The following PEBP4 variants were observed in gnomAD, a reference collection of about 807,000 sequenced individuals.
PEBP4 encodes phosphatidylethanolamine binding protein 4, also known as phosphatidylethanolamine-binding protein 4.
Under a neutral mutation model 23.9 loss-of-function variants are expected in PEBP4, and 22 were observed. That is an observed-to-expected ratio of 0.92 (90% confidence interval 0.66 to 1.31). The LOEUF (loss-of-function observed/expected upper bound fraction) is 1.31, where lower values mean the gene tolerates loss of function less well. Ranked by LOEUF, PEBP4 falls within the 40% of genes most tolerant of loss-of-function variation. The pLI is 0.00. For synonymous variants in PEBP4, 112 were observed against 99.3 expected (o/e 1.13, Z -0.76); for missense variants, 324 against 281.7 (o/e 1.15, Z -1.07).
intron 3 of PEBP4, among the ~76,000 whole-genome samples, chr8:22,872,348 G>A (rs748679847): frequency 3.9e-5 from 6 of 152,192 alleles, no homozygotes; most frequent in East Asian, 1.9e-4. Context: ...CCCTGTCCCC[G>A]TTGCCAAGCC....
chr8:22,923,204 T>A (rs528634162), intron 2 of PEBP4, among the ~76,000 whole-genome samples: 1 of 152,282 alleles, frequency 6.6e-6, no homozygotes, highest in South Asian at 2.1e-4. Context: ...TTTTCCCTAG[T>A]GAGCTGTTTC....
At chr8:22,806,707 T>C (rs920178708) in intron 4 of PEBP4, among the ~76,000 whole-genome samples, 4 of 151,808 alleles carry the variant, frequency 2.6e-5, no homozygotes, top group African/African-American at 9.7e-5. Flanking sequence ...AGATTGGTAC[T>C]AATTCATTTG....
chr8:22,803,254 C>A (rs1177658778), intron 4 of PEBP4, among the ~76,000 whole-genome samples: 1 of 152,134 alleles, frequency 6.6e-6, no homozygotes, highest in Admixed American at 6.5e-5. Context: ...ACACACTCGG[C>A]CCCTGAAGAC....
At chr8:22,819,509 T>C (rs1205087214) in intron 3 of PEBP4, among the ~76,000 whole-genome samples, 1 of 152,154 alleles carries the variant, frequency 6.6e-6, no homozygotes, top group Non-Finnish European at 1.5e-5. Context: ...CTATTAAAGA[T>C]GATCATAAAA....
chr8:22,931,410 CCT>C (rs1403998811), upstream of PEBP4, among the ~76,000 whole-genome samples: 1 of 152,036 alleles, frequency 6.6e-6, no homozygotes, highest in African/African-American at 2.4e-5. Flanking sequence ...ACCCCCAGCC[CCT>C]GACAACCCTA....
rs559294712 is a variant in PEBP4 at position 22,775,150 on chromosome 8, A to G, written c.357+42487T>C. Among the ~76,000 whole-genome samples, 1 of 152,298 alleles carries G rather than the reference A, an allele frequency of 6.6e-6. No individual in the cohort carries two copies. Among genetic ancestry groups the G allele is most frequent in the South Asian group, 2.1e-4 (1 of 4,828 alleles). On this transcript the variant is annotated intron_variant, in intron 4 of 6. Coordinates refer to ENST00000256404, the MANE Select transcript of PEBP4 (RefSeq NM_144962.3). The surrounding 1 kb of genome is among the most constrained non-coding windows in gnomAD (Gnocchi z 4.8). ...CCTGTACCATAAGAGACGGGCCCCA[A>G]GTTCTCTTCTAAGGTCATGTTCTAG...
At chr8:22,836,304 C>T (rs572325102) in intron 3 of PEBP4, among the ~76,000 whole-genome samples, 49 of 152,302 alleles carry the variant, frequency 3.2e-4, no homozygotes, top group African/African-American at 1.1e-3. Context: ...AAAATCATAT[C>T]GCTTGTCTCC....
intron 4 of PEBP4, among the ~76,000 whole-genome samples, chr8:22,728,170 A>T (rs965197642): frequency 6.6e-6 from 1 of 152,040 alleles, no homozygotes; most frequent in Non-Finnish European, 1.5e-5. Context: ...TGCTGGGAGG[A>T]TGGGGGAGAG....
At chr8:22,870,050 C>T (rs1217478431) in intron 3 of PEBP4, among the ~76,000 whole-genome samples, 2 of 152,208 alleles carry the variant, frequency 1.3e-5, no homozygotes, top group Non-Finnish European at 2.9e-5. Context: ...CAGTTATGCT[C>T]CTTGATATTT....
intron 4 of PEBP4, among the ~76,000 whole-genome samples, chr8:22,728,086 C>T (rs1259159362): frequency 6.6e-6 from 1 of 152,122 alleles, no homozygotes; most frequent in Admixed American, 6.5e-5. Flanking sequence ...TAGCGTGACT[C>T]TTAATTGAGT....
chr8:22,919,412 ACT>A (rs747531027), intron 3 of PEBP4, among the ~76,000 whole-genome samples: 5 of 152,032 alleles, frequency 3.3e-5, no homozygotes, highest in Admixed American at 6.5e-5. Context: ...CACCATTGAC[ACT>A]CTGCGGGCTC....
intron 4 of PEBP4, among the ~76,000 whole-genome samples, chr8:22,751,204 G>T (rs984955116): frequency 1.5e-4 from 23 of 152,132 alleles, no homozygotes; most frequent in African/African-American, 5.6e-4. Flanking sequence ...GGCTGGCAAG[G>T]GTGACCACTC....
intron 3 of PEBP4, among the ~76,000 whole-genome samples, chr8:22,852,511 C>T (rs545509769): frequency 1.3e-5 from 2 of 152,164 alleles, no homozygotes; most frequent in East Asian, 3.9e-4. Flanking sequence ...CTTTTCTAGT[C>T]GTTGGTAAAT....
chr8:22,801,067 C>T (rs191448883), intron 4 of PEBP4, among the ~76,000 whole-genome samples: 1 of 152,234 alleles, frequency 6.6e-6, no homozygotes, highest in Admixed American at 6.5e-5. Flanking sequence ...TACACTGCCC[C>T]CAGGACCTAG....
chr8:22,878,971 G>A (rs1184273817), intron 3 of PEBP4, among the ~76,000 whole-genome samples: 4 of 152,178 alleles, frequency 2.6e-5, no homozygotes, highest in South Asian at 2.1e-4. Context: ...CCAGCTTAGC[G>A]TGGCTATGGG....
At position 22,872,833 on chromosome 8, in the gene PEBP4, C is replaced by T. The variant is rs141917989; in HGVS notation, c.258+47351G>A. Among the ~76,000 whole-genome samples the T allele has an allele frequency of 2.4e-3, 365 of 152,228 alleles. 1 individual carries two copies. Among genetic ancestry groups the T allele is most frequent in the African/African-American group, 8.1e-3 (335 of 41,536 alleles). ...CTGGGACTACAGGCATGCGCCACCA[C>T]GCCTAGCTAATTTTTGTATTTTTAG... On this transcript the variant is annotated intron_variant, in intron 3 of 6. Transcript: ENST00000256404.
chr8:22,925,339 G>C, intron 2 of PEBP4: 2 of 985,294 alleles, frequency 2.0e-6, no homozygotes, highest in Non-Finnish European at 2.4e-6. Context: ...CCTGAACCTG[G>C]GGTGAAGGTT....
intron 4 of PEBP4, among the ~76,000 whole-genome samples, chr8:22,741,579 G>A (rs1014329277): frequency 2.0e-5 from 3 of 152,198 alleles, no homozygotes; most frequent in Non-Finnish European, 2.9e-5. Context: ...CCAGGGAGAG[G>A]AAGGGAGGCC....
At chr8:22,825,278 C>T (rs1806944546) in intron 3 of PEBP4, among the ~76,000 whole-genome samples, 1 of 152,242 alleles carries the variant, frequency 6.6e-6, no homozygotes, top group Admixed American at 6.5e-5. Flanking sequence ...GTCCATGGAG[C>T]TGACAGGATG....
Sources: gnomAD v4.1 joint callset for allele counts (sites outside exome capture counted in the v4.1 genomes callset) on GRCh38, gnomAD v4.1.1 for gene constraint, Gnocchi (gnomAD v3.1) non-coding constraint, MANE v1.5 for transcripts, NCBI Gene and HGNC (gene_info 2026-07-23, HGNC 2026-07-21) for gene names.